MAML3: variants seen among roughly 807,000 people sequenced by gnomAD.
MAML3 encodes the protein mastermind-like protein 3.
MAML3 carries 27 observed loss-of-function variants against 101.9 expected under a neutral mutation model. The observed-to-expected ratio is 0.27, with a 90% CI of 0.20 to 0.37. The LOEUF is 0.37. Among genes scored for constraint, MAML3 ranks in the 10% least tolerant of loss-of-function variants. The pLI is 1.00. For synonymous variants in MAML3, 501 were observed against 555.9 expected (o/e 0.90, Z 1.39); for missense variants, 1,316 against 1,444.9 (o/e 0.91, Z 1.45).
chr4:139,865,632 T>C (rs1162854057), intron 2 of MAML3, among the ~76,000 whole-genome samples: 1 of 152,056 alleles, frequency 6.6e-6, no homozygotes, highest in Admixed American at 6.5e-5. Context: ...TCTTCCCAAC[T>C]TATCCTCTTC....
intron 1 of MAML3, among the ~76,000 whole-genome samples, chr4:139,977,607 T>C (rs1734365547): frequency 6.6e-6 from 1 of 152,164 alleles, no homozygotes; most frequent in Non-Finnish European, 1.5e-5. Context: ...GCGCGGTAGC[T>C]CACGCCTGTA....
chr4:139,964,678 A>T (rs1306706165), intron 1 of MAML3, among the ~76,000 whole-genome samples: 2 of 152,150 alleles, frequency 1.3e-5, no homozygotes, highest in African/African-American at 2.4e-5. Flanking sequence ...CAATGTTTGA[A>T]TTCCAAACAA....
At chr4:140,037,705 T>C (rs140177999) in intron 1 of MAML3, among the ~76,000 whole-genome samples, 15 of 152,352 alleles carry the variant, frequency 9.8e-5, no homozygotes, top group South Asian at 2.1e-4. Flanking sequence ...CAGAAACACA[T>C]TGCTTTCAAT....
intron 2 of MAML3, among the ~76,000 whole-genome samples, chr4:139,814,067 T>G (rs1730853404): frequency 9.5e-6 from 1 of 104,824 alleles, no homozygotes; most frequent in Non-Finnish European, 2.2e-5. Context: ...GAATGATGAT[T>G]TCACCAAAAG....
intron 1 of MAML3, among the ~76,000 whole-genome samples, chr4:140,028,603 C>G (rs553870068): frequency 2.0e-5 from 3 of 152,076 alleles, no homozygotes; most frequent in Admixed American, 1.3e-4. Flanking sequence ...TTTAATGAAA[C>G]GGGTCTTCAT....
chr4:139,978,985 T>C (rs1442891670), intron 1 of MAML3, among the ~76,000 whole-genome samples: 3 of 151,888 alleles, frequency 2.0e-5, no homozygotes, highest in Non-Finnish European at 4.4e-5. Context: ...ACTAGTTACC[T>C]TAGAGAAACT....
At chr4:139,873,879 T>C (rs1258770312) in intron 2 of MAML3, among the ~76,000 whole-genome samples, 1 of 152,230 alleles carries the variant, frequency 6.6e-6, no homozygotes, top group Non-Finnish European at 1.5e-5. Context: ...TGTAAGATAA[T>C]AAATGTTTGT....
intron 1 of MAML3, among the ~76,000 whole-genome samples, chr4:140,122,791 C>A (rs1468337066): frequency 3.1e-4 from 26 of 82,906 alleles, no homozygotes; most frequent in African/African-American, 9.2e-4. Flanking sequence ...GACTCCGTCT[C>A]AAAAAAAAAA....
At chr4:139,946,136 C>A (rs2110748198) in intron 1 of MAML3, among the ~76,000 whole-genome samples, 1 of 152,324 alleles carries the variant, frequency 6.6e-6, no homozygotes, top group South Asian at 2.1e-4. Context: ...TTAGTTCCAC[C>A]TTGATTTCTT....
intron 2 of MAML3, among the ~76,000 whole-genome samples, chr4:139,858,167 A>G (rs187214633): frequency 6.6e-6 from 1 of 152,364 alleles, no homozygotes. Flanking sequence ...TTTTGCACCC[A>G]AGGGCACAAA....
intron 2 of MAML3, among the ~76,000 whole-genome samples, chr4:139,753,749 T>G (rs550753233): frequency 1.3e-5 from 2 of 152,304 alleles, no homozygotes; most frequent in East Asian, 3.9e-4. Flanking sequence ...TCATTTCTTC[T>G]GTTTGTCCAT....
chr4:139,779,436 C>G (rs748237360), intron 2 of MAML3, among the ~76,000 whole-genome samples: 7 of 152,118 alleles, frequency 4.6e-5, no homozygotes, highest in African/African-American at 1.7e-4. Flanking sequence ...CCCATCACCC[C>G]AAAAGTCCTA....
Position 139,986,067 on chromosome 4 carries a change from C to G in MAML3, c.469-95100G>C, listed in dbSNP as rs146083817. Among the ~76,000 whole-genome samples, 8 of 152,342 alleles carry G rather than the reference C, an allele frequency of 5.3e-5. No individual in the cohort carries two copies. In the East Asian group the frequency reaches 1.5e-3, roughly 29 times the overall value. On this transcript the variant is annotated intron_variant, in intron 1 of 4. Transcript: ENST00000509479. ...ATGTTTCTTCCAGCTCTATGGAAAG[C>G]AGGGTCAGGATAAGCAGAAGAGCAG...
chr4:139,774,861 T>C (rs952028121), intron 2 of MAML3, among the ~76,000 whole-genome samples: 4 of 152,236 alleles, frequency 2.6e-5, no homozygotes, highest in African/African-American at 9.6e-5. Flanking sequence ...TTAAGCTGTT[T>C]GTAACTTACT....
intron 1 of MAML3, among the ~76,000 whole-genome samples, chr4:140,068,119 C>G (rs912544851): frequency 2.0e-5 from 3 of 152,156 alleles, no homozygotes; most frequent in African/African-American, 7.2e-5. Context: ...CAGCATCACT[C>G]CCACGTATTT....
At chr4:139,775,024 G>A (rs771968270) in intron 2 of MAML3, among the ~76,000 whole-genome samples, 27 of 152,150 alleles carry the variant, frequency 1.8e-4, no homozygotes, top group Non-Finnish European at 3.7e-4. Context: ...GATCCATAAT[G>A]GTGAATTACA....
chr4:139,778,150 G>T (rs765088087), intron 2 of MAML3, among the ~76,000 whole-genome samples: 1 of 152,198 alleles, frequency 6.6e-6, no homozygotes, highest in Non-Finnish European at 1.5e-5. Context: ...TTGGTTGAAT[G>T]AAAAAATAAA....
chr4:139,799,474 A>G (rs1560797934), intron 2 of MAML3, among the ~76,000 whole-genome samples: 1 of 152,180 alleles, frequency 6.6e-6, no homozygotes, highest in South Asian at 2.1e-4. Flanking sequence ...GCATGTGTGT[A>G]TTAAGGAAAA....
At chr4:139,889,290 A>G (rs201213652) in intron 2 of MAML3, 67 bp downstream of exon 2, 8 of 1,612,736 alleles carry the variant, frequency 5.0e-6, no homozygotes, top group African/African-American at 4.0e-5. Flanking sequence ...CTTGTAGAAC[A>G]TCACACATCG....
Sources: gnomAD v4.1 joint callset for allele counts (sites outside exome capture counted in the v4.1 genomes callset) on GRCh38, gnomAD v4.1.1 for gene constraint, MANE v1.5 for transcripts, NCBI Gene and HGNC (gene_info 2026-07-23, HGNC 2026-07-21) for gene names.